Variants in R3HDM1 observed in about 807,000 individuals in gnomAD.
The protein encoded by R3HDM1 is R3H domain containing 1, also known as R3H domain-containing protein 1.
R3HDM1 carries 46 observed loss-of-function variants against 141.1 expected under a neutral mutation model. That is an observed-to-expected ratio of 0.33 (90% CI 0.26 to 0.42). The LOEUF is 0.42. Among genes scored for constraint, R3HDM1 ranks in the 10% least tolerant of loss-of-function variants. The pLI, the probability that R3HDM1 is intolerant of heterozygous loss-of-function variation, is 1.00. For missense variants in R3HDM1, 1,184 were observed against 1,368.3 expected (o/e 0.87, Z 2.12); for synonymous variants, 435 against 472.9 (o/e 0.92, Z 1.04).
intron 5 of R3HDM1, among the ~76,000 whole-genome samples, 169 bp from the exon 6 acceptor site, chr2:135,621,325 G>A (rs13398893): frequency 0.077 from 11,751 of 152,026 alleles, 1,498 homozygotes; most frequent in African/African-American, 0.27. Flanking sequence ...TAAAGTATTT[G>A]ATAAAAGTAG....
chr2:135,696,716 T>C (rs1031824730), intron 21 of R3HDM1, among the ~76,000 whole-genome samples: 1 of 152,046 alleles, frequency 6.6e-6, no homozygotes, highest in Non-Finnish European at 1.5e-5. Flanking sequence ...GTGTCGAACT[T>C]TTGGGCTCAA....
Position 135,638,907 on chromosome 2 carries a change from A to G in R3HDM1, c.1004A>G (p.Asp335Gly), listed in dbSNP as rs771510654. 1.9e-6 allele frequency: 3 copies of G among 1,613,554 alleles called. No homozygotes were observed. The highest frequency in any genetic ancestry group is 2.7e-5 in the African/African-American group (2 of 74,776). Residue 335 changes from aspartate (D) to glycine (G), a missense_variant, in exon 14 of 27, where the codon GAT becomes GGT. This residue lies in a region of R3HDM1 where 240 missense variants were observed against 312.3 expected (regional missense o/e 0.77). Transcript: ENST00000683871. ...QRRQIFRVNK[D>G]ASGRSTNSHQ... ...TTTCTAAATTACAGAGTTAATAAAG[A>G]TGCTTCAGGGAGATCTACAAATAGC... is the stretch of plus-strand genomic sequence containing the variant.
chr2:135,718,150 T>C (rs184559320), intron 24 of R3HDM1, among the ~76,000 whole-genome samples: 2 of 152,282 alleles, frequency 1.3e-5, no homozygotes, highest in South Asian at 2.1e-4. Context: ...TAATCTGTTA[T>C]GTTAAAAATC....
chr2:135,710,295 T>TAA, intron 23 of R3HDM1, 64 bp downstream of exon 23: 1 of 1,497,986 alleles, frequency 6.7e-7, no homozygotes, highest in Non-Finnish European at 9.1e-7. Context: ...GATTGACTTA[T>TAA]AAGGCTTGAA....
At chr2:135,625,468 A>G (rs1271847423) in intron 7 of R3HDM1, among the ~76,000 whole-genome samples, 1 of 152,188 alleles carries the variant, frequency 6.6e-6, no homozygotes, top group East Asian at 1.9e-4. Flanking sequence ...TGAATTAATT[A>G]AAATAAAATA....
At chr2:135,590,227 TC>T (rs1256668400) in intron 1 of R3HDM1, among the ~76,000 whole-genome samples, 1 of 152,158 alleles carries the variant, frequency 6.6e-6, no homozygotes, top group African/African-American at 2.4e-5. Context: ...AGCAGACACA[TC>T]AACAGAGATC....
intron 5 of R3HDM1, among the ~76,000 whole-genome samples, chr2:135,619,210 C>A (rs1262006763): frequency 6.6e-6 from 1 of 152,032 alleles, no homozygotes; most frequent in Non-Finnish European, 1.5e-5. Context: ...GTCAGGCATT[C>A]ATAAATCTGT....
At chr2:135,624,389 G>A (rs1473940341) in intron 7 of R3HDM1, among the ~76,000 whole-genome samples, 16 of 136,072 alleles carry the variant, frequency 1.2e-4, no homozygotes, top group Non-Finnish European at 1.7e-4. Flanking sequence ...GCGAGACTCC[G>A]TCTCAAAAAA....
At chr2:135,532,679 A>T (rs1695165493) in intron 1 of R3HDM1, among the ~76,000 whole-genome samples, 1 of 152,234 alleles carries the variant, frequency 6.6e-6, no homozygotes, top group South Asian at 2.1e-4. Context: ...GATTAAAGTC[A>T]AACTGAAAGT....
intron 19 of R3HDM1, chr2:135,666,971 C>A: frequency 2.6e-6 from 1 of 380,858 alleles, no homozygotes; most frequent in Non-Finnish European, 3.6e-6. Context: ...ATTGTACAAG[C>A]ACAGTCTGGA....
intron 19 of R3HDM1, among the ~76,000 whole-genome samples, chr2:135,671,975 C>CAA (rs879298097): frequency 8.8e-6 from 1 of 114,062 alleles, no homozygotes. Flanking sequence ...GACTCTGTCT[C>CAA]AAAAAAAAAA....
intron 20 of R3HDM1, among the ~76,000 whole-genome samples, chr2:135,675,831 T>C (rs868656557): frequency 8.1e-4 from 123 of 152,334 alleles, no homozygotes; most frequent in African/African-American, 2.6e-3. Context: ...CTCAGCTCTT[T>C]AGAAAGTCCT....
intron 1 of R3HDM1, among the ~76,000 whole-genome samples, chr2:135,535,137 A>C (rs1279772109): frequency 6.6e-6 from 1 of 152,198 alleles, no homozygotes; most frequent in Non-Finnish European, 1.5e-5. Context: ...CAAACCACAG[A>C]ATCAATACTC....
chr2:135,643,089 G>T (rs549438224), intron 15 of R3HDM1, among the ~76,000 whole-genome samples: 26 of 152,222 alleles, frequency 1.7e-4, no homozygotes, highest in Admixed American at 1.2e-3. Flanking sequence ...GTCTGAAATT[G>T]AATTGTACTA....
At position 135,590,518 on chromosome 2, in the gene R3HDM1, A is replaced by G. The variant is rs1251196617; in HGVS notation, c.-249-11982A>G. On this transcript the variant is annotated intron_variant, in intron 1 of 26. Transcript: ENST00000683871. ...ACAATTTGATGTGGTAGACATAGCT[A>G]GGAAATAAAGCCACAAAAAAATAAA... 4.1e-6 allele frequency: 4 copies of G among 975,958 alleles called. No homozygotes were observed. In the African/African-American group the frequency reaches 7.0e-5, roughly 17 times the overall value. The allele number at this position is 975,958 out of a possible 1,614,324, so 60.5% of individuals were successfully genotyped here. A position where few individuals can be genotyped will look rare whatever the true frequency, so the allele number is the denominator to read the frequency against.
intron 18 of R3HDM1, 48 bp from the exon 19 acceptor site, chr2:135,661,222 T>C (rs759649578): frequency 1.5e-5 from 24 of 1,604,570 alleles, no homozygotes; most frequent in Middle Eastern, 3.3e-4. Context: ...GAAAAACATA[T>C]GTAATGCAAG....
rs116956068 is a variant in R3HDM1, at chr2:135,559,972, T to A, written c.-250+28339T>A. On this transcript the variant is annotated intron_variant, in intron 1 of 26. Coordinates refer to ENST00000683871, the MANE Select transcript of R3HDM1 (RefSeq NM_001378107.1). ...ATATTTCACTATCATCATGTATAAT[T>A]CAGTTCGCATCTGTTCCATAACTTA... Among the ~76,000 whole-genome samples, 150 of 152,356 alleles carry A rather than the reference T, an allele frequency of 9.8e-4. 5 individuals carry two copies. The East Asian group carries it at 0.026, about 27-fold the overall frequency.
At chr2:135,603,201 G>C (rs2059763258) in intron 2 of R3HDM1, among the ~76,000 whole-genome samples, 2 of 152,118 alleles carry the variant, frequency 1.3e-5, no homozygotes, top group African/African-American at 2.4e-5. Context: ...TGTTGGCCAA[G>C]CTGGTCTCAA....
intron 16 of R3HDM1, among the ~76,000 whole-genome samples, chr2:135,647,709 T>A (rs2064627992): frequency 6.6e-6 from 1 of 152,210 alleles, no homozygotes; most frequent in Non-Finnish European, 1.5e-5. Flanking sequence ...ATCAATGAGA[T>A]TGCAAATAAC....
Sources: gnomAD v4.1 joint callset for allele counts (sites outside exome capture counted in the v4.1 genomes callset) on GRCh38, gnomAD v4.1.1 for gene constraint, gnomAD v4.1.1 regional missense constraint, MANE v1.5 for transcripts, NCBI Gene and HGNC (gene_info 2026-07-23, HGNC 2026-07-21) for gene names.